Variants in PTPRB observed in about 807,000 individuals in gnomAD.
PTPRB encodes receptor-type tyrosine-protein phosphatase beta.
PTPRB carries 97 observed loss-of-function variants against 238.1 expected under a neutral mutation model. The ratio of observed to expected loss-of-function variants is 0.41; its 90% CI spans 0.35 to 0.48. The LOEUF (loss-of-function observed/expected upper bound fraction) is 0.48. PTPRB is among the 20% of genes least tolerant of loss of function. The probability of loss-of-function intolerance (pLI) is 0.30; values close to 1 mark genes in which losing one functional copy is unlikely to be tolerated. For missense variants in PTPRB, 2,292 were observed against 2,681.9 expected, an observed-to-expected ratio of 0.85 and a Z score of 3.21; for synonymous variants, 970 against 995.4, an observed-to-expected ratio of 0.97 and a Z score of 0.48.
chr12:70,624,875 A>T (rs1885106594), intron 2 of PTPRB, among the ~76,000 whole-genome samples: 1 of 152,184 alleles, frequency 6.6e-6, no homozygotes, highest in African/African-American at 2.4e-5. Context: ...TTTTTAAAAA[A>T]ATTAGTCAGC....
intron 28 of PTPRB, among the ~76,000 whole-genome samples, chr12:70,537,287 A>ATCTC (rs1874301996): frequency 3.7e-4 from 1 of 2,688 alleles, no homozygotes; most frequent in Non-Finnish European, 1.0e-3. Context: ...ACCATCTCAA[A>ATCTC]AAAAAAAAAA....
rs928065162 is a variant in PTPRB at position 70,576,009 on chromosome 12, G to C, written c.2842+373C>G. 1.1e-4 allele frequency among the ~76,000 whole-genome samples: 17 copies of C among 152,276 alleles called. No homozygotes were observed. In the South Asian group the frequency reaches 3.5e-3, roughly 32 times the overall value. On this transcript the variant is annotated intron_variant, in intron 11 of 33. Coordinates refer to ENST00000334414, the MANE Select transcript of PTPRB (RefSeq NM_001109754.4). ...CACTGGCTGTTTAACAAGGTAAACA[G>C]TTGGGCGAGTTACTTGACCTCCCTG...
intron 23 of PTPRB, 75 bp downstream of exon 23, chr12:70,540,783 T>G (rs1024025096): frequency 1.0e-5 from 11 of 1,082,852 alleles, no homozygotes; most frequent in Admixed American, 7.4e-5. Context: ...CCTTCTTAGT[T>G]TTCAGCCTAA....
rs572717826 is a variant in PTPRB at position 70,559,119 on chromosome 12, C to T, written c.4714+224G>A. On this transcript the variant is annotated intron_variant, in intron 18 of 33. Coordinates refer to ENST00000334414, the MANE Select transcript of PTPRB (RefSeq NM_001109754.4). ...ATATAATGTCTATTTACAAATAGTA[C>T]GTCCTACCTAATTGTAAGCCCCATG... 6.6e-5 allele frequency: 40 copies of T among 603,224 alleles called. 1 individual carries two copies. Among genetic ancestry groups the T allele is most frequent in the Non-Finnish European group, 1.1e-4 (36 of 341,252 alleles). 37.4% of individuals were successfully genotyped at this position (603,224 alleles called of 1,614,324 possible). A position where few individuals can be genotyped will look rare whatever the true frequency, so the allele number is the denominator to read the frequency against.
At chr12:70,605,441 A>G (rs543439367) in intron 4 of PTPRB, among the ~76,000 whole-genome samples, 1 of 152,280 alleles carries the variant, frequency 6.6e-6, no homozygotes, top group Non-Finnish European at 1.5e-5. Context: ...TTTAATCAGT[A>G]TTTACGGAAC....
At chr12:70,525,639 T>G (rs1872319912) in intron 32 of PTPRB, among the ~76,000 whole-genome samples, 1 of 152,258 alleles carries the variant, frequency 6.6e-6, no homozygotes, top group Non-Finnish European at 1.5e-5. Context: ...TGCCACTGTG[T>G]CTCAGCCACA....
At chr12:70,609,951 C>A (rs1884322179) in intron 3 of PTPRB, 2 of 647,220 alleles carry the variant, frequency 3.1e-6, no homozygotes, top group East Asian at 7.7e-5. Context: ...GGGCTGGCGA[C>A]GCGCAGGGGC....
intron 32 of PTPRB, among the ~76,000 whole-genome samples, chr12:70,527,459 A>G (rs749258442): frequency 3.9e-5 from 6 of 152,214 alleles, no homozygotes; most frequent in Non-Finnish European, 8.8e-5. Flanking sequence ...CAATGCCCCA[A>G]ATGCAACCTG....
At chr12:70,552,498 A>T (rs11178288) in intron 21 of PTPRB, among the ~76,000 whole-genome samples, 11 of 150,182 alleles carry the variant, frequency 7.3e-5, no homozygotes, top group Non-Finnish European at 1.0e-4. Flanking sequence ...AAAAAAAAAA[A>T]AATAATGAAA....
At position 70,541,271 on chromosome 12, in the gene PTPRB, A is replaced by G. The variant is rs555426181; in HGVS notation, c.5495-314T>C. 6.3e-5 allele frequency: 13 copies of G among 205,318 alleles called. No homozygotes were observed. In the East Asian group the frequency reaches 9.8e-4, roughly 16 times the overall value. The allele number at this position is 205,318 out of a possible 1,614,324, so 12.7% of individuals were successfully genotyped here. A position where few individuals can be genotyped will look rare whatever the true frequency, so the allele number is the denominator to read the frequency against. On this transcript the variant is annotated intron_variant, in intron 22 of 33. Coordinates refer to ENST00000334414, the MANE Select transcript of PTPRB (RefSeq NM_001109754.4). Reference sequence around the variant, plus strand: ...GCTTGGGGCACCTGAGATAAAGGCCATAAGTTTGCCACCAAGATAAAAATG... The same window carrying G: ...GCTTGGGGCACCTGAGATAAAGGCCGTAAGTTTGCCACCAAGATAAAAATG...
chr12:70,538,313 T>G (rs1012082353), intron 27 of PTPRB, 82 bp from the exon 28 acceptor site: 4 of 1,162,856 alleles, frequency 3.4e-6, no homozygotes, highest in African/African-American at 1.5e-5. Flanking sequence ...TTAGCTCTGA[T>G]CCCCACAACA....
intron 3 of PTPRB, among the ~76,000 whole-genome samples, chr12:70,611,705 C>T (rs552882088): frequency 9.8e-5 from 15 of 152,308 alleles, no homozygotes; most frequent in African/African-American, 3.4e-4. Flanking sequence ...ACAGCCAGAC[C>T]AGAGATTTCA....
Position 70,521,342 on chromosome 12 carries a change from T to A in PTPRB, c.*147A>T. 1 of 512,584 alleles carries A rather than the reference T, an allele frequency of 2.0e-6. No homozygotes were observed. The highest frequency in any genetic ancestry group is 5.1e-5 in the South Asian group (1 of 19,502). The allele number at this position is 512,584 out of a possible 1,614,324, so 31.8% of individuals were successfully genotyped here. The stretch of plus-strand genomic sequence containing the variant: ...ACAATAATATCTGTTACCTTTAAAT[T>A]ATATAAAATTTTAAACATTCTCCAG... On this transcript the variant is annotated 3_prime_UTR_variant, in exon 34 of 34. Transcript: ENST00000334414.
chr12:70,630,186 C>G (rs1042384042), intron 2 of PTPRB, among the ~76,000 whole-genome samples: 1 of 152,082 alleles, frequency 6.6e-6, no homozygotes, highest in African/African-American at 2.4e-5. Flanking sequence ...ACTGGCAAAC[C>G]GAATCCAGCA....
chr12:70,585,821 G>A lies in PTPRB; in HGVS notation c.2311+1186C>T, dbSNP rs562277405. 1.6e-3 allele frequency among the ~76,000 whole-genome samples: 230 copies of A among 145,290 alleles called. 2 individuals carry two copies. Among genetic ancestry groups the A allele is most frequent in the African/African-American group, 5.5e-3 (219 of 39,542 alleles). Reference sequence around the variant, plus strand: ...GACCCCCGACCCCACAACAGGCCCCGGTGTGTGATGTTCCCCACTCTGTGT... The same window carrying A: ...GACCCCCGACCCCACAACAGGCCCCAGTGTGTGATGTTCCCCACTCTGTGT... On this transcript the variant is annotated intron_variant, in intron 9 of 33. Transcript: ENST00000334414.
chr12:70,594,657 A>T lies in PTPRB; in HGVS notation c.1326T>A (p.His442Gln), dbSNP rs571726380. ...KANSLLISWSHGSGNVERYRL... is the reference protein window; with the variant it reads ...KANSLLISWSQGSGNVERYRL... ...GGTATCGTTCCACATTCCCAGAACC[A>T]TGGGACCAGGAAATCAGGAGAGAAT... The change falls in exon 6 of 34, where the codon CAT becomes CAA. Residue 442 changes from histidine to glutamine, a missense_variant. Physicochemically the swap from His to Gln is conservative, Grantham distance 24. Coordinates refer to ENST00000334414, the MANE Select transcript of PTPRB (RefSeq NM_001109754.4). The T allele has an allele frequency of 1.4e-4, 234 of 1,614,048 alleles. 8 individuals are homozygous for T. In the South Asian group the frequency reaches 2.5e-3, roughly 17 times the overall value.
At chr12:70,530,478 A>G (rs1873056386) in intron 32 of PTPRB, among the ~76,000 whole-genome samples, 1 of 139,410 alleles carries the variant, frequency 7.2e-6, no homozygotes, top group Non-Finnish European at 1.5e-5. Context: ...TATATGCAAT[A>G]TGACATGTAT....
chr12:70,576,510 G>T lies in PTPRB; in HGVS notation c.2714C>A (p.Ser905Tyr). The part of the protein sequence containing the change: ...TLSHDGKVVQ[S>Y]LVIAKSVREC... ...TCTGACAGACTTGGCAATGACAAGG[G>T]ACTGAACCACCTTGCCGTCATGAGA... is the stretch of plus-strand genomic sequence containing the variant. The change falls in exon 11 of 34, where the codon TCC becomes TAC. Residue 905 changes from serine to tyrosine, a missense_variant. By Grantham distance (144) the Ser-to-Tyr change is moderately radical. Transcript: ENST00000334414. 6.4e-7 allele frequency: 1 copy of T among 1,574,736 alleles called. No homozygotes were observed. Among genetic ancestry groups the T allele is most frequent in the Non-Finnish European group, 8.6e-7 (1 of 1,158,290 alleles).
intron 9 of PTPRB, among the ~76,000 whole-genome samples, chr12:70,581,846 C>T (rs906675820): frequency 3.3e-5 from 5 of 151,088 alleles, no homozygotes; most frequent in Non-Finnish European, 5.9e-5. Context: ...ATGATAATAA[C>T]AACAACTACT....
Sources: allele counts gnomAD v4.1 joint callset (sites outside exome capture counted in the v4.1 genomes callset), GRCh38; gene constraint gnomAD v4.1.1; transcripts MANE v1.5; gene names NCBI Gene and HGNC (gene_info 2026-07-23, HGNC 2026-07-21).